ABLIM1: variants seen among roughly 807,000 people sequenced by gnomAD.
The protein encoded by ABLIM1 is actin-binding LIM protein 1.
ABLIM1 carries 40 observed loss-of-function variants against 107.0 expected under a neutral mutation model. That is an observed-to-expected ratio of 0.37 (90% CI 0.29 to 0.49). ABLIM1 has a LOEUF of 0.49. ABLIM1 is among the 20% of genes least tolerant of loss of function. ABLIM1 has a pLI of 0.97. For synonymous variants in ABLIM1, 357 were observed against 357.3 expected (o/e 1.00, Z 0.01); for missense variants, 857 against 1,008.5 (o/e 0.85, Z 2.04).
At chr10:114,682,978 A>G (rs2080810038) in intron 1 of ABLIM1, among the ~76,000 whole-genome samples, 3 of 152,218 alleles carry the variant, frequency 2.0e-5, no homozygotes, top group Non-Finnish European at 4.4e-5. Context: ...ACATCTAGAC[A>G]TCTTGAGATA....
intron 6 of ABLIM1, among the ~76,000 whole-genome samples, chr10:114,543,038 C>T (rs558581813): frequency 3.9e-5 from 6 of 152,204 alleles, no homozygotes; most frequent in South Asian, 2.1e-4. Context: ...GGTGGGGGCC[C>T]ATTTCTCAGG....
chr10:114,515,009 G>A (rs1326325365), intron 6 of ABLIM1, among the ~76,000 whole-genome samples: 3 of 152,174 alleles, frequency 2.0e-5, no homozygotes, highest in Non-Finnish European at 4.4e-5. Flanking sequence ...CACAACTTCT[G>A]AGGAGATCTC....
At chr10:114,751,081 T>G (rs889285834) in intron 1 of ABLIM1, among the ~76,000 whole-genome samples, 9 of 152,204 alleles carry the variant, frequency 5.9e-5, no homozygotes, top group Non-Finnish European at 1.3e-4. Context: ...AAGTGCTGCT[T>G]GGAATGTGAA....
chr10:114,645,654 T>C (rs901247624), intron 1 of ABLIM1, among the ~76,000 whole-genome samples: 8 of 152,158 alleles, frequency 5.3e-5, no homozygotes, highest in Non-Finnish European at 1.0e-4. Context: ...CTCAAGAAAA[T>C]CAATCATTAA....
chr10:114,669,296 G>A (rs1209505760), intron 1 of ABLIM1, among the ~76,000 whole-genome samples: 1 of 152,178 alleles, frequency 6.6e-6, no homozygotes, highest in African/African-American at 2.4e-5. Context: ...AGGAAAGGGA[G>A]AGAAGCAGTT....
chr10:114,774,188 T>C, the ABLIM1 span, among the ~76,000 whole-genome samples: 1 of 152,186 alleles, frequency 6.6e-6, no homozygotes, highest in Non-Finnish European at 1.5e-5. Context: ...ATTAGACTTG[T>C]CTTCCCAAAT....
chr10:114,634,129 C>CTTTTTTTGTTTTTTT (rs2078342681), intron 1 of ABLIM1, among the ~76,000 whole-genome samples: 1 of 68,298 alleles, frequency 1.5e-5, no homozygotes, highest in Non-Finnish European at 2.5e-5. Context: ...CTCAATTTTT[C>CTTTTTTTGTTTTTTT]TTTTTTTTTT....
intron 1 of ABLIM1, among the ~76,000 whole-genome samples, chr10:114,738,560 C>T (rs1348210362): frequency 6.6e-6 from 1 of 152,188 alleles, no homozygotes; most frequent in Non-Finnish European, 1.5e-5. Flanking sequence ...AATCCACTTA[C>T]TCTCATGCTT....
chr10:114,584,767 C>T (rs535746317), intron 2 of ABLIM1, among the ~76,000 whole-genome samples: 9 of 152,250 alleles, frequency 5.9e-5, no homozygotes, highest in Admixed American at 4.6e-4. Flanking sequence ...GATGATAAAA[C>T]GGGCCCCACA....
chr10:114,617,055 C>T (rs1276629796), intron 1 of ABLIM1, among the ~76,000 whole-genome samples: 1 of 152,138 alleles, frequency 6.6e-6, no homozygotes, highest in East Asian at 1.9e-4. Context: ...TTTAGGCAAA[C>T]CTATGAAATC....
Position 114,607,761 on chromosome 10 carries a change from C to T in ABLIM1, c.245-5800G>A, listed in dbSNP as rs1163577297. On this transcript the variant is annotated intron_variant, in intron 1 of 22. Coordinates refer to ENST00000533213, the MANE Select transcript of ABLIM1 (RefSeq NM_002313.7). Reference sequence around the variant, plus strand: ...AAGTACTCTTCAAAATTGTAAAGATCATAAAAAACAAAGAACATCTGAGAA... The same window carrying T: ...AAGTACTCTTCAAAATTGTAAAGATTATAAAAAACAAAGAACATCTGAGAA... Among the ~76,000 whole-genome samples, 4 of 152,208 alleles carry T rather than the reference C, an allele frequency of 2.6e-5. No homozygotes were observed. The East Asian group carries it at 5.8e-4, about 22-fold the overall frequency.
At chr10:114,674,799 T>G (rs1591800585) in intron 1 of ABLIM1, among the ~76,000 whole-genome samples, 1 of 151,766 alleles carries the variant, frequency 6.6e-6, no homozygotes, top group Non-Finnish European at 1.5e-5. Context: ...AATCAGAAAT[T>G]TATAAGAATG....
chr10:114,778,469 C>A, the ABLIM1 span: 3 of 152,096 alleles, frequency 2.0e-5, no homozygotes, highest in Non-Finnish European at 4.4e-5. Context: ...TCTGATGCTA[C>A]ATAATTAAGG....
intron 1 of ABLIM1, among the ~76,000 whole-genome samples, chr10:114,702,008 T>C (rs1377901079): frequency 6.6e-6 from 1 of 152,222 alleles, no homozygotes; most frequent in African/African-American, 2.4e-5. Context: ...TATTTTTTTA[T>C]TGTTTATCAT....
intron 4 of ABLIM1, among the ~76,000 whole-genome samples, chr10:114,565,446 G>A (rs1475047116): frequency 6.6e-6 from 1 of 152,194 alleles, no homozygotes; most frequent in Non-Finnish European, 1.5e-5. Context: ...TAAGTACATA[G>A]CATTTTATTT....
intron 9 of ABLIM1, 66 bp from the exon 10 acceptor site, chr10:114,473,198 C>A (rs891937351): frequency 1.4e-6 from 2 of 1,464,312 alleles, no homozygotes; most frequent in East Asian, 4.7e-5. Flanking sequence ...CTGTAGTTGG[C>A]GCATTTCCTG....
intron 6 of ABLIM1, among the ~76,000 whole-genome samples, chr10:114,517,099 G>A (rs1016025365): frequency 1.3e-5 from 2 of 152,124 alleles, no homozygotes; most frequent in African/African-American, 4.8e-5. Flanking sequence ...AACCTGAGAG[G>A]GAAGAGCAAG....
At chr10:114,494,164 TAATA>T (rs1050608904) in intron 6 of ABLIM1, among the ~76,000 whole-genome samples, 3 of 152,180 alleles carry the variant, frequency 2.0e-5, no homozygotes, top group African/African-American at 4.8e-5. Context: ...AAGAATGGAT[TAATA>T]AATAGAGAGG....
intron 1 of ABLIM1, among the ~76,000 whole-genome samples, chr10:114,640,737 A>G (rs2078705244): frequency 6.6e-6 from 1 of 152,254 alleles, no homozygotes; most frequent in Non-Finnish European, 1.5e-5. Flanking sequence ...AATAAAAGGT[A>G]AAATTCACAT....
Sources: allele counts gnomAD v4.1 joint callset (sites outside exome capture counted in the v4.1 genomes callset), GRCh38; gene constraint gnomAD v4.1.1; transcripts MANE v1.5; gene names NCBI Gene and HGNC (gene_info 2026-07-23, HGNC 2026-07-21).